SETD2: variants seen among roughly 807,000 people sequenced by gnomAD.
SETD2 encodes the protein SET domain containing 2, histone lysine methyltransferase.
SETD2 carries 31 observed loss-of-function variants against 242.1 expected under a neutral mutation model. The observed-to-expected ratio is 0.13, with a 90% CI of 0.10 to 0.17. The LOEUF is 0.17. SETD2 is among the 10% of genes least tolerant of loss of function. The pLI is 1.00. For missense variants in SETD2, 2,481 were observed against 3,046.3 expected (o/e 0.81, Z 4.37); for synonymous variants, 1,006 against 1,066.5 (o/e 0.94, Z 1.11).
intron 5 of SETD2, among the ~76,000 whole-genome samples, chr3:47,106,400 A>G (rs2042419854): frequency 6.6e-6 from 1 of 150,680 alleles, no homozygotes; most frequent in African/African-American, 2.4e-5. Context: ...AAATCATTCA[A>G]GTCTGGCTTA....
chr3:47,117,275 A>AAAC (rs1559737476), intron 3 of SETD2, among the ~76,000 whole-genome samples: 2 of 139,220 alleles, frequency 1.4e-5, no homozygotes, highest in Non-Finnish European at 3.0e-5. Flanking sequence ...AAAAAAAAAA[A>AAAC]AAAAACAAAC....
At chr3:47,040,007 C>G (rs935024926) in intron 17 of SETD2, among the ~76,000 whole-genome samples, 13 of 151,896 alleles carry the variant, frequency 8.6e-5, no homozygotes, top group Non-Finnish European at 1.8e-4. Flanking sequence ...GATAGAGTCT[C>G]ACTCTGTCAC....
At chr3:47,031,388 G>T (rs1405409395) in intron 18 of SETD2, among the ~76,000 whole-genome samples, 1 of 152,172 alleles carries the variant, frequency 6.6e-6, no homozygotes, top group Non-Finnish European at 1.5e-5. Flanking sequence ...CGTACTTCCT[G>T]TTCAATTTTG....
intron 7 of SETD2, 43 bp downstream of exon 7, chr3:47,103,303 A>ATTTTTT: frequency 7.5e-7 from 1 of 1,333,434 alleles, no homozygotes; most frequent in Non-Finnish European, 1.1e-6. Flanking sequence ...CAGAACAGCA[A>ATTTTTT]TCGTGAACAA....
At chr3:47,027,794 GTT>G (rs1470721112) in intron 18 of SETD2, among the ~76,000 whole-genome samples, 2 of 149,652 alleles carry the variant, frequency 1.3e-5, no homozygotes, top group East Asian at 3.9e-4. Context: ...TTTTTTTTTT[GTT>G]TTTGTTTTTT....
chr3:47,147,159 C>T (rs1422036181), intron 1 of SETD2, among the ~76,000 whole-genome samples: 2 of 151,622 alleles, frequency 1.3e-5, no homozygotes, highest in Admixed American at 6.6e-5. Context: ...TACAGGAACT[C>T]GCCACCACAC....
intron 15 of SETD2, among the ~76,000 whole-genome samples, chr3:47,048,076 T>A (rs2039610487): frequency 6.6e-6 from 1 of 152,182 alleles, no homozygotes; most frequent in South Asian, 2.1e-4. Context: ...ATGGAAAAGT[T>A]ACAGTAAAAA....
chr3:47,107,040 T>A (rs368778451), intron 5 of SETD2, among the ~76,000 whole-genome samples: 1 of 152,186 alleles, frequency 6.6e-6, no homozygotes, highest in Non-Finnish European at 1.5e-5. Context: ...CTTTTCTTGA[T>A]TATTTACCTA....
intron 1 of SETD2, among the ~76,000 whole-genome samples, chr3:47,160,673 T>C (rs898017333): frequency 6.6e-6 from 1 of 152,222 alleles, no homozygotes; most frequent in Non-Finnish European, 1.5e-5. Context: ...GGCAAAATTT[T>C]GTTTTGTACA....
intron 1 of SETD2, among the ~76,000 whole-genome samples, chr3:47,136,149 T>G (rs1003432545): frequency 1.3e-5 from 2 of 152,208 alleles, no homozygotes; most frequent in African/African-American, 4.8e-5. Flanking sequence ...GTCGTTCCTA[T>G]GACAGTAATA....
chr3:47,132,482 G>A (rs2043502457), intron 1 of SETD2, among the ~76,000 whole-genome samples: 1 of 152,106 alleles, frequency 6.6e-6, no homozygotes, highest in Non-Finnish European at 1.5e-5. Context: ...GGGAGACTCT[G>A]TCTCAAACAA....
chr3:47,134,262 T>C (rs2043544407), intron 1 of SETD2, among the ~76,000 whole-genome samples: 1 of 152,176 alleles, frequency 6.6e-6, no homozygotes, highest in African/African-American at 2.4e-5. Flanking sequence ...GGGGAAAAGT[T>C]TGGAACGAAT....
chr3:47,163,740 C>G (rs1283900647), intron 1 of SETD2, 114 bp downstream of exon 1: 1 of 1,083,536 alleles, frequency 9.2e-7, no homozygotes, highest in African/African-American at 1.7e-5. Flanking sequence ...CGCGAGGCCA[C>G]CGTGGGCCTG....
intron 1 of SETD2, among the ~76,000 whole-genome samples, chr3:47,154,282 G>A (rs897873484): frequency 1.2e-4 from 19 of 152,004 alleles, no homozygotes; most frequent in East Asian, 1.2e-3. Flanking sequence ...GGTGGTGCGC[G>A]CCTGTAGTCC....
chr3:47,094,946 T>G (rs1287950064), intron 9 of SETD2, among the ~76,000 whole-genome samples: 1 of 152,176 alleles, frequency 6.6e-6, no homozygotes, highest in African/African-American at 2.4e-5. Flanking sequence ...GACAGAAATA[T>G]CTAGTCCTTA....
At position 47,062,160 on chromosome 3, in the gene SETD2, T is replaced by C. The variant is rs1306065437; in HGVS notation, c.6293+3A>G. On this transcript the variant is annotated splice_donor_region_variant and intron_variant, in intron 14 of 20. Coordinates refer to ENST00000409792, the MANE Select transcript of SETD2 (RefSeq NM_014159.7). The stretch of plus-strand genomic sequence containing the variant: ...AACAAAAAAACTCACACAGGCCACT[T>C]ACCTGTCATCTGGCCTTTTTGTTCC... The C allele has an allele frequency of 6.2e-7, 1 of 1,612,348 alleles. No homozygotes were observed. The highest frequency in any genetic ancestry group is 8.5e-7 in the Non-Finnish European group (1 of 1,179,576).
chr3:47,152,595 A>G (rs1377874347), intron 1 of SETD2, among the ~76,000 whole-genome samples: 1 of 152,208 alleles, frequency 6.6e-6, no homozygotes, highest in African/African-American at 2.4e-5. Flanking sequence ...ACTATTCATC[A>G]TGAGGCCAAA....
rs531678389 is a variant in SETD2, at chr3:47,102,519, G to A, written c.4917+827C>T. ...AAAAGTTACAATCCCAGCTGGGTGC[G>A]GAGGCTCACGCCTATAATCTTAGCA... On this transcript the variant is annotated intron_variant, in intron 7 of 20. Coordinates refer to ENST00000409792, the MANE Select transcript of SETD2 (RefSeq NM_014159.7). Among the ~76,000 whole-genome samples, 50 of 152,296 alleles carry A rather than the reference G, an allele frequency of 3.3e-4. 1 individual carries two copies. Among genetic ancestry groups the A allele is most frequent in the Non-Finnish European group, 1.8e-4 (12 of 68,010 alleles).
chr3:47,102,409 A>T (rs1357148369), intron 7 of SETD2, among the ~76,000 whole-genome samples: 1 of 152,198 alleles, frequency 6.6e-6, no homozygotes, highest in Non-Finnish European at 1.5e-5. Flanking sequence ...AAGGGCAAAA[A>T]ATATCCAGAC....
Sources: allele counts gnomAD v4.1 joint callset (sites outside exome capture counted in the v4.1 genomes callset), GRCh38; gene constraint gnomAD v4.1.1; transcripts MANE v1.5; gene names NCBI Gene and HGNC (gene_info 2026-07-23, HGNC 2026-07-21).